The following MYO10 variants were observed in gnomAD, a reference collection of about 807,000 sequenced individuals.
MYO10 encodes unconventional myosin-X.
In MYO10, 133 loss-of-function variants were observed where a neutral mutation model predicts 257.3. The observed-to-expected ratio is 0.52, with a 90% CI of 0.45 to 0.60. MYO10 has a LOEUF of 0.60. MYO10 is among the 20% of genes least tolerant of loss of function. The pLI, the probability that MYO10 is intolerant of heterozygous loss-of-function variation, is 0.00. For synonymous variants in MYO10, 1,104 were observed against 1,028.6 expected (o/e 1.07, Z -1.40); for missense variants, 2,399 against 2,635.7 (o/e 0.91, Z 1.97).
chr5:16,821,207 T>G (rs1423605993), intron 2 of MYO10, among the ~76,000 whole-genome samples: 1 of 148,954 alleles, frequency 6.7e-6, no homozygotes, highest in Non-Finnish European at 1.5e-5. Context: ...TGTAATTATC[T>G]TGCTGTTCCT....
chr5:16,733,320 G>A (rs1739661226), intron 19 of MYO10, among the ~76,000 whole-genome samples: 1 of 152,028 alleles, frequency 6.6e-6, no homozygotes. Context: ...CATTTCTACA[G>A]GAAGAAACTG....
At chr5:16,747,918 CAAAAAAAAAAAAAAAA>C (rs777257950) in intron 19 of MYO10, among the ~76,000 whole-genome samples, 8 of 30,480 alleles carry the variant, frequency 2.6e-4, no homozygotes, top group East Asian at 4.5e-3. Context: ...AACTCCGTCT[CAAAAAAAAAAAAAAAA>C]AAAAAAAAAA....
At chr5:16,754,442 AAAG>A (rs370902654) in intron 19 of MYO10, among the ~76,000 whole-genome samples, 4 of 152,140 alleles carry the variant, frequency 2.6e-5, no homozygotes, top group Non-Finnish European at 2.9e-5. Context: ...AAAGCAAAAA[AAAG>A]AAGGAAAGAA....
chr5:16,768,974 C>A, intron 10 of MYO10, 100 bp downstream of exon 10: 1 of 1,405,052 alleles, frequency 7.1e-7, no homozygotes, highest in African/African-American at 1.5e-5. Context: ...CCGCACCTGG[C>A]CAGAATTTTC....
At position 16,674,964 on chromosome 5, in the gene MYO10, G is replaced by T; in HGVS notation, c.4853C>A (p.Pro1618His). ...CAGGTTGCCCACACTGCCGGGGTGG[G>T]GCACTTTGTTGGTCTGTTTGATAAG... ...CQLIKQTNKV[P>H]HPGSVGNLYS... Residue 1618 changes from proline (P) to histidine (H), a missense_variant, in exon 35 of 41, where the codon CCC becomes CAC. Physicochemically the swap from Pro to His is moderately conservative, Grantham distance 77 (BLOSUM62 -2). Coordinates refer to ENST00000513610, the MANE Select transcript of MYO10 (RefSeq NM_012334.3). 6.2e-7 allele frequency: 1 copy of T among 1,614,004 alleles called. No homozygotes were observed. Among genetic ancestry groups the T allele is most frequent in the Non-Finnish European group, 8.5e-7 (1 of 1,179,896 alleles).
chr5:16,710,581 T>G (rs989100016), intron 21 of MYO10: 1 of 322,080 alleles, frequency 3.1e-6, no homozygotes, highest in Non-Finnish European at 5.9e-6. Context: ...TTGTAGACAC[T>G]GGGGGCTGCC....
intron 19 of MYO10, among the ~76,000 whole-genome samples, chr5:16,745,149 G>A (rs941895194): frequency 6.6e-6 from 1 of 152,056 alleles, no homozygotes; most frequent in Non-Finnish European, 1.5e-5. Context: ...AGACTATCCT[G>A]GCCAACATGG....
chr5:16,694,676 C>T, intron 26 of MYO10, 62 bp from the exon 27 acceptor site: 1 of 1,589,924 alleles, frequency 6.3e-7, no homozygotes, highest in East Asian at 2.2e-5. Context: ...TGGATGACAA[C>T]AACATGCATA....
chr5:16,719,651 A>C (rs944449001), intron 19 of MYO10, among the ~76,000 whole-genome samples: 1 of 152,180 alleles, frequency 6.6e-6, no homozygotes, highest in Admixed American at 6.6e-5. Context: ...AAAGTAAACA[A>C]TTATTTTAAT....
intron 2 of MYO10, among the ~76,000 whole-genome samples, chr5:16,857,794 G>C (rs1040096525): frequency 6.6e-6 from 1 of 152,172 alleles, no homozygotes; most frequent in African/African-American, 2.4e-5. Flanking sequence ...CTGGCTGGTC[G>C]CACTGGTTGC....
chr5:16,776,193 C>T (rs374790336), intron 9 of MYO10, among the ~76,000 whole-genome samples: 2 of 152,088 alleles, frequency 1.3e-5, no homozygotes, highest in African/African-American at 4.8e-5. Flanking sequence ...CACTGTACCC[C>T]GCCTATCCCC....
At chr5:16,778,775 C>T (rs1457734132) in intron 9 of MYO10, among the ~76,000 whole-genome samples, 1 of 150,552 alleles carries the variant, frequency 6.6e-6, no homozygotes, top group Non-Finnish European at 1.5e-5. Flanking sequence ...ACTGCAAGCT[C>T]CGCCTCCCGG....
intron 1 of MYO10, among the ~76,000 whole-genome samples, chr5:16,934,140 G>T (rs776487774): frequency 7.2e-5 from 11 of 152,234 alleles, no homozygotes; most frequent in Admixed American, 6.5e-4. Context: ...AGTGCAAGAT[G>T]AAAAGAGTAC....
chr5:16,778,223 G>T (rs971309649), intron 9 of MYO10, among the ~76,000 whole-genome samples: 1 of 152,076 alleles, frequency 6.6e-6, no homozygotes, highest in African/African-American at 2.4e-5. Context: ...GGCCAGGCCC[G>T]ATTGGGTGGG....
chr5:16,865,856 G>A (rs955530336), intron 2 of MYO10, among the ~76,000 whole-genome samples: 3 of 136,944 alleles, frequency 2.2e-5, no homozygotes, highest in South Asian at 2.4e-4. Context: ...AATAACAAAC[G>A]GAGTTATTGC....
At chr5:16,835,261 C>T (rs183872859) in intron 2 of MYO10, among the ~76,000 whole-genome samples, 49 of 152,020 alleles carry the variant, frequency 3.2e-4, no homozygotes, top group Middle Eastern at 3.4e-3. Context: ...CAGGGCCTGG[C>T]GTGGTGGCTC....
At chr5:16,831,013 C>A (rs1743147802) in intron 2 of MYO10, among the ~76,000 whole-genome samples, 1 of 152,104 alleles carries the variant, frequency 6.6e-6, no homozygotes, top group South Asian at 2.1e-4. Context: ...AATATCCTGG[C>A]TGGGATGTTA....
rs1561158835 is a variant in MYO10, at chr5:16,663,859, G to C, written c.*2833C>G. Reference sequence around the variant, plus strand: ...AAATATTATACCACTGTATAGCAGGGACTTGAGCATCTGTGAATTTTGTAT... The same window carrying C: ...AAATATTATACCACTGTATAGCAGGCACTTGAGCATCTGTGAATTTTGTAT... On this transcript the variant is annotated 3_prime_UTR_variant, in exon 41 of 41. Coordinates refer to ENST00000513610, the MANE Select transcript of MYO10 (RefSeq NM_012334.3). 7.4e-6 allele frequency: 1 copy of C among 135,856 alleles called. No individual in the cohort carries two copies. Among genetic ancestry groups the C allele is most frequent in the Non-Finnish European group, 1.6e-5 (1 of 64,452 alleles). The allele number at this position is 135,856 out of a possible 1,614,324, so 8.4% of individuals were successfully genotyped here. A position where few individuals can be genotyped will look rare whatever the true frequency, so the allele number is the denominator to read the frequency against.
chr5:16,823,661 GAC>G, intron 2 of MYO10, among the ~76,000 whole-genome samples: 1 of 150,300 alleles, frequency 6.7e-6, no homozygotes, highest in Non-Finnish European at 1.5e-5. Context: ...TTTTAGTAGA[GAC>G]AGGTTTCACC....
Sources: allele counts gnomAD v4.1 joint callset (sites outside exome capture counted in the v4.1 genomes callset), GRCh38; gene constraint gnomAD v4.1.1; transcripts MANE v1.5; gene names NCBI Gene and HGNC (gene_info 2026-07-23, HGNC 2026-07-21).